The following NKTR variants were observed in gnomAD, a reference collection of about 807,000 sequenced individuals.
The protein encoded by NKTR is natural killer cell triggering receptor.
NKTR carries 67 observed loss-of-function variants against 156.3 expected under a neutral mutation model. That is an observed-to-expected ratio of 0.43 (90% CI 0.35 to 0.53). The LOEUF (loss-of-function observed/expected upper bound fraction) is 0.53. NKTR is among the 20% of genes least tolerant of loss of function. The probability of loss-of-function intolerance (pLI) is 0.01; values close to 1 mark genes in which losing one functional copy is unlikely to be tolerated. For synonymous variants in NKTR, 640 were observed against 596.6 expected, an observed-to-expected ratio of 1.07 and a Z score of -1.06; for missense variants, 1,604 against 1,730.9, an observed-to-expected ratio of 0.93 and a Z score of 1.30.
intron 13 of NKTR, among the ~76,000 whole-genome samples, chr3:42,641,153 G>A (rs1160162300): frequency 2.0e-5 from 3 of 152,186 alleles, no homozygotes; most frequent in African/African-American, 7.2e-5. Context: ...TTGGTTACCT[G>A]CCTGGGCCTG....
In NKTR at chr3:42,633,573, T is replaced by A; in HGVS notation, c.774-7T>A. On this transcript the variant is annotated splice_polypyrimidine_tract_variant and splice_region_variant and intron_variant, in intron 9 of 16. Transcript: ENST00000232978. ...ACATTTTAATCAGTGACTTGGTTTG[T>A]TCTAAGTCACTCTGAGAGGAGTGAT... The A allele has an allele frequency of 6.2e-7, 1 of 1,612,410 alleles. No individual in the cohort carries two copies. Among genetic ancestry groups the A allele is most frequent in the Non-Finnish European group, 8.5e-7 (1 of 1,178,954 alleles).
chr3:42,620,128 G>T (rs1323284267), intron 5 of NKTR: 3 of 1,467,238 alleles, frequency 2.0e-6, no homozygotes, highest in East Asian at 5.2e-5. Flanking sequence ...TCTGGGTCAG[G>T]TTGTGGCTGG....
At chr3:42,632,305 A>G (rs1290519386) in intron 8 of NKTR, among the ~76,000 whole-genome samples, 1 of 151,930 alleles carries the variant, frequency 6.6e-6, no homozygotes, top group Non-Finnish European at 1.5e-5. Context: ...TCCTGACCTC[A>G]AGTGATTTGC....
chr3:42,621,624 ATTTTT>A, intron 6 of NKTR, 108 bp downstream of exon 6: 1 of 1,120,976 alleles, frequency 8.9e-7, no homozygotes, highest in Non-Finnish European at 1.2e-6. Flanking sequence ...TGTCAGCTTT[ATTTTT>A]ATTATTAATT....
chr3:42,614,235 T>C (rs1559556744), intron 2 of NKTR, among the ~76,000 whole-genome samples: 1 of 152,212 alleles, frequency 6.6e-6, no homozygotes. Flanking sequence ...TTCTTAACTC[T>C]TTACAGAGAT....
chr3:42,619,503 AT>A, intron 4 of NKTR, 160 bp from the exon 5 acceptor site: 1 of 1,462,024 alleles, frequency 6.8e-7, no homozygotes, highest in Non-Finnish European at 9.0e-7. Flanking sequence ...CTTGACATAT[AT>A]TTTACAGATG....
chr3:42,638,123 T>A lies in NKTR; in HGVS notation c.2419T>A (p.Tyr807Asn), dbSNP rs781184624. 3.1e-6 allele frequency: 5 copies of A among 1,613,930 alleles called. No homozygotes were observed. The highest frequency in any genetic ancestry group is 4.2e-6 in the Non-Finnish European group (5 of 1,179,988). ...TAGCGAGAGCAGATCATCTTTAGAT[T>A]ATTCTTCAGACAGTGAGCAGTCAAG... is the stretch of plus-strand genomic sequence containing the variant. ...KYSESRSSLD[Y>N]SSDSEQSSVQ... The change falls in exon 13 of 17, where the codon TAT becomes AAT. Residue 807 changes from tyrosine to asparagine, a missense_variant. Coordinates refer to ENST00000232978, the MANE Select transcript of NKTR (RefSeq NM_005385.4).
chr3:42,622,702 A>G (rs1160640181), intron 6 of NKTR, among the ~76,000 whole-genome samples: 1 of 152,052 alleles, frequency 6.6e-6, no homozygotes, highest in African/African-American at 2.4e-5. Context: ...ACTCTTCTTT[A>G]ACAGAGTGAT....
At chr3:42,618,342 A>G (rs1378515108) in intron 3 of NKTR, among the ~76,000 whole-genome samples, 1 of 147,688 alleles carries the variant, frequency 6.8e-6, no homozygotes, top group Non-Finnish European at 1.5e-5. Flanking sequence ...CAAGAGCCAG[A>G]CTTTGTCTCA....
intron 11 of NKTR, 130 bp from the exon 12 acceptor site, chr3:42,635,091 A>G: frequency 1.8e-6 from 1 of 559,624 alleles, no homozygotes; most frequent in Non-Finnish European, 2.9e-6. Context: ...ACTTTAGACC[A>G]TCCTTTTGGT....
At position 42,633,616 on chromosome 3, in the gene NKTR, A is replaced by C; in HGVS notation, c.810A>C (p.Ser270=). 6.2e-7 allele frequency: 1 copy of C among 1,614,160 alleles called. No homozygotes were observed. Among genetic ancestry groups the C allele is most frequent in the Non-Finnish European group, 8.5e-7 (1 of 1,180,014 alleles). The change falls in exon 10 of 17, where the codon TCA becomes TCC. Residue 270 remains serine (S), a synonymous_variant. Transcript: ENST00000232978. ...SERSDTNEKR[S]VDSSAKREKP... The stretch of plus-strand genomic sequence containing the variant: ...GGAGTGATACCAATGAAAAAAGGTC[A>C]GTTGATTCCAGTGCTAAAAGGGAAA...
chr3:42,620,260 G>T (rs1021624703), intron 5 of NKTR: 62 of 1,246,502 alleles, frequency 5.0e-5, no homozygotes, highest in South Asian at 1.0e-4. Context: ...TAGTTGTGGG[G>T]TTTTTTTTCC....
Position 42,638,590 on chromosome 3 carries a change from G to T in NKTR, c.2886G>T (p.Gly962=). The change falls in exon 13 of 17, where the codon GGG becomes GGT. Residue 962 remains glycine, a synonymous_variant. Coordinates refer to ENST00000232978, the MANE Select transcript of NKTR (RefSeq NM_005385.4). ...GCACATCAACTTCTGACTCTGAGGG[G>T]TCCTGTTCCAATTCGGAAAACAATA... ...KQRTSTSDSE[G]SCSNSENNRG... The T allele has an allele frequency of 1.2e-6, 2 of 1,614,050 alleles. No homozygotes were observed. Among genetic ancestry groups the T allele is most frequent in the Non-Finnish European group, 1.7e-6 (2 of 1,180,002 alleles).
rs1403956200 is a variant in NKTR at position 42,632,801 on chromosome 3, A to G, written c.751A>G (p.Lys251Glu). 1.9e-6 allele frequency: 3 copies of G among 1,600,390 alleles called. No homozygotes were observed. Among genetic ancestry groups the G allele is most frequent in the Non-Finnish European group, 2.6e-6 (3 of 1,174,714 alleles). The change falls in exon 9 of 17, where the codon AAA becomes GAA. Residue 251 changes from lysine (K) to glutamate (E), a missense_variant. By Grantham distance (56) the Lys-to-Glu change is moderately conservative (BLOSUM62 1). Coordinates refer to ENST00000232978, the MANE Select transcript of NKTR (RefSeq NM_005385.4). ...AAGCAGTTCAGAAGAGCCAAGGAATAAACATGCAATGAACCCAAAAGGGTA... is the reference window on the plus strand; with the variant it reads ...AAGCAGTTCAGAAGAGCCAAGGAATGAACATGCAATGAACCCAAAAGGGTA... ...EASSSEEPRN[K>E]HAMNPKGHSE... is the part of the protein sequence containing the mutation.
In NKTR at chr3:42,632,713, C is replaced by T; in HGVS notation, c.663C>T (p.Ser221=). The change falls in exon 9 of 17, where the codon AGC becomes AGT. Residue 221 remains serine (S), a synonymous_variant. Coordinates refer to ENST00000232978, the MANE Select transcript of NKTR (RefSeq NM_005385.4). ...AAAGTGAACTTGAACATGAGAGAAGCAGAAGGAGGAAACATAAGAGGAGGC... is the reference window on the plus strand; with the variant it reads ...AAAGTGAACTTGAACATGAGAGAAGTAGAAGGAGGAAACATAAGAGGAGGC... ...SSESELEHER[S]RRRKHKRRPK... 1.9e-6 allele frequency: 3 copies of T among 1,613,658 alleles called. No individual in the cohort carries two copies. Among genetic ancestry groups the T allele is most frequent in the Non-Finnish European group, 2.5e-6 (3 of 1,179,814 alleles).
intron 5 of NKTR, chr3:42,620,353 A>G (rs971462876): frequency 3.6e-6 from 4 of 1,102,514 alleles, no homozygotes; most frequent in South Asian, 4.0e-5. Context: ...TATTAGAACT[A>G]TGACTGTGTT....
At chr3:42,634,724 GATATT>G in intron 11 of NKTR, 24 bp downstream of exon 11, 1 of 1,328,724 alleles carries the variant, frequency 7.5e-7, no homozygotes, top group Non-Finnish European at 1.1e-6. Context: ...GACTTTTTTT[GATATT>G]ATGTATCTAA....
intron 11 of NKTR, chr3:42,634,938 CATT>C (rs1436662994): frequency 4.5e-6 from 2 of 446,904 alleles, no homozygotes; most frequent in Non-Finnish European, 7.9e-6. Context: ...GCTGAGAAAT[CATT>C]AAGACTTTAA....
At chr3:42,640,167 T>TA (rs1709762467) in intron 13 of NKTR, among the ~76,000 whole-genome samples, 2 of 152,350 alleles carry the variant, frequency 1.3e-5, no homozygotes, top group South Asian at 2.1e-4. Context: ...GAGACAAAGT[T>TA]ACCTGCCCAA....
Sources: gnomAD v4.1 joint callset for allele counts (sites outside exome capture counted in the v4.1 genomes callset) on GRCh38, gnomAD v4.1.1 for gene constraint, MANE v1.5 for transcripts, NCBI Gene and HGNC (gene_info 2026-07-23, HGNC 2026-07-21) for gene names.